FLACC1: variants seen among roughly 807,000 people sequenced by gnomAD.
The protein encoded by FLACC1 is flagellum associated containing coiled-coil domains 1.
In FLACC1, 66 loss-of-function variants were observed where a neutral mutation model predicts 62.8. The ratio of observed to expected loss-of-function variants is 1.05; its 90% confidence interval spans 0.86 to 1.29. FLACC1 has a LOEUF of 1.29. Among genes scored for constraint, FLACC1 ranks in the 50% most tolerant of loss-of-function variants. The probability of loss-of-function intolerance (pLI) is 0.00; values close to 1 mark genes in which losing one functional copy is unlikely to be tolerated. For missense variants in FLACC1, 452 were observed against 489.1 expected (o/e 0.92, Z 0.71); for synonymous variants, 156 against 161.0 (o/e 0.97, Z 0.24).
chr2:201,354,576 G>A (rs972906226), intron 1 of FLACC1, among the ~76,000 whole-genome samples: 1 of 152,166 alleles, frequency 6.6e-6, no homozygotes, highest in African/African-American at 2.4e-5. Context: ...CCAAGTCAAG[G>A]AGATGAGGTC....
intron 9 of FLACC1, among the ~76,000 whole-genome samples, chr2:201,328,012 G>C (rs1950527202): frequency 6.6e-6 from 1 of 152,288 alleles, no homozygotes; most frequent in East Asian, 1.9e-4. Flanking sequence ...GCAGCAACTT[G>C]GATGGAGCTG....
intron 12 of FLACC1, among the ~76,000 whole-genome samples, chr2:201,297,034 T>C (rs1949880073): frequency 6.6e-6 from 1 of 152,236 alleles, no homozygotes; most frequent in Middle Eastern, 3.4e-3. Flanking sequence ...TGGCTGAGGC[T>C]GCTGGGTTGA....
upstream of FLACC1, among the ~76,000 whole-genome samples, chr2:201,360,121 G>A (rs1301437923): frequency 1.3e-5 from 2 of 152,072 alleles, no homozygotes; most frequent in Admixed American, 6.6e-5. Context: ...GTAAAGCTTC[G>A]CCAGTTCCAA....
intron 5 of FLACC1, among the ~76,000 whole-genome samples, chr2:201,345,331 G>A (rs1391625297): frequency 6.6e-6 from 1 of 152,166 alleles, no homozygotes; most frequent in Non-Finnish European, 1.5e-5. Context: ...TCCATGGCAT[G>A]GCCTCATTCT....
chr2:201,329,585 A>C (rs1188157466), intron 9 of FLACC1, among the ~76,000 whole-genome samples: 1 of 152,264 alleles, frequency 6.6e-6, no homozygotes, highest in Non-Finnish European at 1.5e-5. Flanking sequence ...AATGTGGTAC[A>C]TATACCATGG....
intron 12 of FLACC1, among the ~76,000 whole-genome samples, chr2:201,296,801 A>C (rs1318154045): frequency 6.6e-6 from 1 of 152,200 alleles, no homozygotes; most frequent in Non-Finnish European, 1.5e-5. Context: ...AAGGTAACCT[A>C]AGAACAATGG....
At chr2:201,329,511 A>G (rs1950552963) in intron 9 of FLACC1, among the ~76,000 whole-genome samples, 1 of 152,242 alleles carries the variant, frequency 6.6e-6, no homozygotes, top group South Asian at 2.1e-4. Flanking sequence ...AATCACAGAC[A>G]ATTCACAATA....
intron 9 of FLACC1, among the ~76,000 whole-genome samples, chr2:201,311,370 T>C (rs1950214029): frequency 6.6e-6 from 1 of 151,902 alleles, no homozygotes; most frequent in Non-Finnish European, 1.5e-5. Context: ...CCTATGAACA[T>C]AGACTGAAAA....
intron 9 of FLACC1, among the ~76,000 whole-genome samples, chr2:201,322,126 G>C (rs534912926): frequency 6.6e-6 from 1 of 151,946 alleles, no homozygotes; most frequent in Non-Finnish European, 1.5e-5. Flanking sequence ...AAAATTAGTT[G>C]GGTGTGGTGG....
intron 13 of FLACC1, 60 bp from the exon 14 acceptor site, chr2:201,289,626 T>C (rs1949683744): frequency 5.0e-6 from 8 of 1,612,212 alleles, no homozygotes; most frequent in South Asian, 1.1e-5. Context: ...AGGGCAGAGC[T>C]ATATGGCAGA....
intron 7 of FLACC1, among the ~76,000 whole-genome samples, chr2:201,340,101 C>T (rs921114890): frequency 6.6e-6 from 1 of 152,070 alleles, no homozygotes; most frequent in Non-Finnish European, 1.5e-5. Flanking sequence ...AATCTCAGAC[C>T]CTGGGAGGAG....
Position 201,289,768 on chromosome 2 carries a change from C to T in FLACC1, c.960G>A (p.Leu320=), listed in dbSNP as rs2125528998. The change falls in exon 13 of 15, where the codon TTG becomes TTA. Residue 320 remains leucine (L), a synonymous_variant. Transcript: ENST00000392257. The stretch of plus-strand genomic sequence containing the variant: ...ACTCTAGGATAAGGGCTTGTGCATG[C>T]AATTCTTCCTGCATGACCTGCATAA... ...RKTKEVMQEE[L]HAQALILESL... 1.2e-6 allele frequency: 2 copies of T among 1,614,180 alleles called. No individual in the cohort carries two copies. The highest frequency in any genetic ancestry group is 8.5e-7 in the Non-Finnish European group (1 of 1,180,020).
chr2:201,338,132 T>C (rs1446498642), intron 7 of FLACC1, among the ~76,000 whole-genome samples: 1 of 152,238 alleles, frequency 6.6e-6, no homozygotes, highest in Non-Finnish European at 1.5e-5. Context: ...GTTAAATTTA[T>C]TCCTAGATAT....
In FLACC1 at chr2:201,294,076, C is replaced by T. The variant is rs1256043932; in HGVS notation, c.943-4291G>A. ...GTCCAGGACCAGATGGATTCACAGC[C>T]GAATTCTACCAGAGGTACAAGGAGG... On this transcript the variant is annotated intron_variant, in intron 12 of 14. Coordinates refer to ENST00000392257, the MANE Select transcript of FLACC1 (RefSeq NM_001127391.3). Among the ~76,000 whole-genome samples the T allele has an allele frequency of 3.3e-5, 5 of 152,108 alleles. No individual in the cohort carries two copies. The East Asian group carries it at 5.8e-4, about 18-fold the overall frequency.
At chr2:201,318,619 AAC>A in intron 9 of FLACC1, among the ~76,000 whole-genome samples, 1 of 152,334 alleles carries the variant, frequency 6.6e-6, no homozygotes, top group East Asian at 1.9e-4. Context: ...GGATGTGGTG[AAC>A]AGAGAACACT....
intron 9 of FLACC1, among the ~76,000 whole-genome samples, chr2:201,309,473 A>T (rs888427997): frequency 6.6e-6 from 1 of 152,170 alleles, no homozygotes; most frequent in African/African-American, 2.4e-5. Flanking sequence ...CAGAGAGCTT[A>T]TGGAACCCAA....
intron 9 of FLACC1, among the ~76,000 whole-genome samples, chr2:201,321,644 G>T (rs574166994): frequency 6.6e-6 from 1 of 152,124 alleles, no homozygotes; most frequent in African/African-American, 2.4e-5. Flanking sequence ...TATGAGAGAC[G>T]TTCACAATTT....
chr2:201,330,459 G>A lies in FLACC1; in HGVS notation c.675+11C>T. On this transcript the variant is annotated intron_variant, in intron 9 of 14. Coordinates refer to ENST00000392257, the MANE Select transcript of FLACC1 (RefSeq NM_001127391.3). ...TTCTCTTGTAATCCAACAGGGAGCT[G>A]TGTATCTCACCTGATACGTACGAAA... The A allele has an allele frequency of 1.9e-6, 3 of 1,610,964 alleles. No homozygotes were observed. Among genetic ancestry groups the A allele is most frequent in the South Asian group, 2.2e-5 (2 of 90,712 alleles).
intron 9 of FLACC1, among the ~76,000 whole-genome samples, chr2:201,312,186 A>G (rs1199347664): frequency 1.3e-5 from 2 of 152,232 alleles, no homozygotes; most frequent in Non-Finnish European, 2.9e-5. Flanking sequence ...AACTTTAAAG[A>G]ATCTGCCAAA....
Sources: allele counts gnomAD v4.1 joint callset (sites outside exome capture counted in the v4.1 genomes callset), GRCh38; gene constraint gnomAD v4.1.1; transcripts MANE v1.5; gene names NCBI Gene and HGNC (gene_info 2026-07-23, HGNC 2026-07-21).